Variants in ABCA4 observed in about 807,000 individuals in gnomAD.
ABCA4 encodes the protein ATP binding cassette subfamily A member 4.
Under a neutral mutation model 263.7 loss-of-function variants are expected in ABCA4, and 196 were observed. The ratio of observed to expected loss-of-function variants is 0.74; its 90% CI spans 0.66 to 0.84. The LOEUF is 0.84. ABCA4 is among the 40% of genes least tolerant of loss of function. The probability of loss-of-function intolerance (pLI) is 0.00; values close to 1 mark genes in which losing one functional copy is unlikely to be tolerated. For missense variants in ABCA4, 2,792 were observed against 2,855.1 expected (o/e 0.98, Z 0.50); for synonymous variants, 1,133 against 1,094.2 (o/e 1.04, Z -0.70).
At chr1:94,055,835 A>C (rs1378660043) in intron 15 of ABCA4, among the ~76,000 whole-genome samples, 1 of 152,226 alleles carries the variant, frequency 6.6e-6, no homozygotes, top group Non-Finnish European at 1.5e-5. Flanking sequence ...TCGTGAGAAC[A>C]AGTCAGACTT....
intron 44 of ABCA4, among the ~76,000 whole-genome samples, chr1:94,004,008 G>A (rs375323234): frequency 1.4e-4 from 21 of 152,116 alleles, no homozygotes; most frequent in African/African-American, 5.1e-4. Context: ...TTATACCTAT[G>A]CCATTCCAGC....
chr1:94,051,706 T>C lies in ABCA4; in HGVS notation c.2588-8A>G, dbSNP rs1349907492. ...GTGGGGTTCCATAGTCTCCTAAAAA[T>C]AGAGACAAATAAACAGAGAAAGTCG... On this transcript the variant is annotated splice_polypyrimidine_tract_variant and splice_region_variant and intron_variant, in intron 16 of 49. Transcript: ENST00000370225. 1.2e-6 allele frequency: 2 copies of C among 1,607,272 alleles called. No individual in the cohort carries two copies. Among genetic ancestry groups the C allele is most frequent in the African/African-American group, 2.7e-5 (2 of 74,778 alleles).
chr1:94,098,496 C>T (rs971701854), intron 6 of ABCA4, among the ~76,000 whole-genome samples: 4 of 152,272 alleles, frequency 2.6e-5, no homozygotes, highest in Non-Finnish European at 1.5e-5. Flanking sequence ...TCAAACCAGG[C>T]CTCCTCCTTC....
At chr1:94,112,113 G>A (rs1299547455) in intron 2 of ABCA4, among the ~76,000 whole-genome samples, 1 of 152,198 alleles carries the variant, frequency 6.6e-6, no homozygotes, top group Non-Finnish European at 1.5e-5. Flanking sequence ...GGACTGGGCA[G>A]ATTTGCATAA....
chr1:94,024,917 G>A (rs1659994815), intron 31 of ABCA4, 37 bp downstream of exon 31: 2 of 1,512,942 alleles, frequency 1.3e-6, no homozygotes, highest in Non-Finnish European at 9.2e-7. Flanking sequence ...CTTCTACAGG[G>A]AGCCAGGATA....
chr1:94,005,769 G>A (rs147904545), intron 43 of ABCA4, among the ~76,000 whole-genome samples, 187 bp from the exon 44 acceptor site: 2 of 152,286 alleles, frequency 1.3e-5, no homozygotes, highest in East Asian at 1.9e-4. Context: ...ACTGAATCCT[G>A]TCAGATTCTT....
intron 8 of ABCA4, among the ~76,000 whole-genome samples, chr1:94,079,939 G>A (rs562492579): frequency 6.6e-6 from 1 of 151,988 alleles, no homozygotes; most frequent in East Asian, 1.9e-4. Flanking sequence ...TTAACTAGAG[G>A]GGCAGCCAGT....
Position 94,102,998 on chromosome 1 carries a change from C to A in ABCA4, c.570+17G>T. The stretch of plus-strand genomic sequence containing the variant: ...TCCCTCCCCTCCAGGGACCACTGGC[C>A]AGTGACATCCCCCTACCTGCTCTGG... On this transcript the variant is annotated intron_variant, in intron 5 of 49. Transcript: ENST00000370225. 5 of 1,614,126 alleles carry A rather than the reference C, an allele frequency of 3.1e-6. No individual in the cohort carries two copies. The highest frequency in any genetic ancestry group is 4.2e-6 in the Non-Finnish European group (5 of 1,179,994).
At chr1:94,061,295 C>T (rs113311620) in intron 13 of ABCA4, 12 of 183,714 alleles carry the variant, frequency 6.5e-5, no homozygotes, top group East Asian at 1.4e-4. Flanking sequence ...TTTCAGAAGG[C>T]GAATGATCCA....
At chr1:94,042,163 A>C (rs1226347847) in intron 22 of ABCA4, among the ~76,000 whole-genome samples, 1 of 152,102 alleles carries the variant, frequency 6.6e-6, no homozygotes, top group Non-Finnish European at 1.5e-5. Flanking sequence ...TCAGGATGAC[A>C]AACCCTCAGA....
chr1:94,040,635 G>T (rs6703052), intron 23 of ABCA4, among the ~76,000 whole-genome samples: 22,992 of 152,102 alleles, frequency 0.15, 3,561 homozygotes, highest in African/African-American at 0.4. Context: ...TTAGCTTCAT[G>T]TTCCATGTGA....
chr1:94,061,768 GC>G (rs1242867988), intron 13 of ABCA4, among the ~76,000 whole-genome samples: 1 of 152,184 alleles, frequency 6.6e-6, no homozygotes, highest in Non-Finnish European at 1.5e-5. Context: ...CAAACTAACT[GC>G]AGACTGGCCA....
At chr1:93,993,548 T>C (rs1658923862) in intron 49 of ABCA4, among the ~76,000 whole-genome samples, 1 of 152,030 alleles carries the variant, frequency 6.6e-6, no homozygotes, top group Admixed American at 6.6e-5. Flanking sequence ...CCAAGGGCTC[T>C]TACAGGGTCT....
At chr1:94,019,872 C>T in intron 35 of ABCA4, 113 bp from the exon 36 acceptor site, 1 of 1,155,442 alleles carries the variant, frequency 8.7e-7, no homozygotes, top group Non-Finnish European at 1.3e-6. Context: ...GGTGTGGCCT[C>T]CAGGTTCCTC....
At chr1:94,049,981 C>T (rs1319082559) in intron 17 of ABCA4, among the ~76,000 whole-genome samples, 1 of 152,180 alleles carries the variant, frequency 6.6e-6, no homozygotes, top group Non-Finnish European at 1.5e-5. Context: ...ACCACTGTCA[C>T]CAGGCATCCA....
intron 41 of ABCA4, among the ~76,000 whole-genome samples, 198 bp downstream of exon 41, chr1:94,008,553 G>A (rs928709240): frequency 8.5e-5 from 13 of 152,194 alleles, no homozygotes; most frequent in Middle Eastern, 3.2e-3. Flanking sequence ...GTCAGTGCCC[G>A]AGATGAATAG....
rs761324159 is a variant in ABCA4, at chr1:94,008,735, A to T, written c.5835+16T>A. On this transcript the variant is annotated intron_variant, in intron 41 of 49. Coordinates refer to ENST00000370225, the MANE Select transcript of ABCA4 (RefSeq NM_000350.3). The stretch of plus-strand genomic sequence containing the variant: ...GGATCTAACCAGCACCTCCAAACTC[A>T]TACCCATTCCCTTACCTTGGTTAGT... 6.2e-7 allele frequency: 1 copy of T among 1,613,220 alleles called. No individual in the cohort carries two copies. The highest frequency in any genetic ancestry group is 8.5e-7 in the Non-Finnish European group (1 of 1,179,358).
At position 94,015,840 on chromosome 1, in the gene ABCA4, CA is replaced by C. The variant is rs2101015583; in HGVS notation, c.5210del (p.Val1737GlyfsTer41). 6.2e-7 allele frequency: 1 copy of C among 1,613,606 alleles called. No homozygotes were observed. Among genetic ancestry groups the C allele is most frequent in the African/African-American group, 1.3e-5 (1 of 75,024 alleles). On this transcript the variant is annotated frameshift_variant, in exon 37 of 50. Transcript: ENST00000370225. LOFTEE classifies it high-confidence loss of function. ...NFLWDIMNYSVSAGLVVGIFI... is the reference protein window; with the variant it reads ...NFLWDIMNYSXSAGLVVGIFI... The stretch of plus-strand genomic sequence containing the variant: ...AGATGCCCACCACCAGCCCAGCACT[CA>C]CGGAATAATTCATCTCGGAAAGAGA...
chr1:94,111,832 G>A (rs1471263417), intron 2 of ABCA4, among the ~76,000 whole-genome samples: 1 of 152,212 alleles, frequency 6.6e-6, no homozygotes, highest in Non-Finnish European at 1.5e-5. Context: ...GTGGAAATGT[G>A]AAGGGGAAGC....
Sources: allele counts gnomAD v4.1 joint callset (sites outside exome capture counted in the v4.1 genomes callset), GRCh38; gene constraint gnomAD v4.1.1; transcripts MANE v1.5; gene names NCBI Gene and HGNC (gene_info 2026-07-23, HGNC 2026-07-21).